Variants in NR3C2 observed in about 807,000 individuals in gnomAD.
NR3C2 encodes mineralocorticoid receptor.
A neutral mutation model predicts 86.4 loss-of-function variants in NR3C2; 15 were observed. The observed-to-expected ratio is 0.17, with a 90% CI of 0.12 to 0.27. The LOEUF (loss-of-function observed/expected upper bound fraction) is 0.27. NR3C2 is among the 10% of genes least tolerant of loss of function. NR3C2 has a pLI of 1.00. For synonymous variants in NR3C2, 458 were observed against 450.5 expected (o/e 1.02, Z -0.21); for missense variants, 960 against 1,195.6 (o/e 0.80, Z 2.91).
intron 7 of NR3C2, among the ~76,000 whole-genome samples, chr4:148,119,324 T>C (rs867321421): frequency 6.6e-6 from 1 of 152,338 alleles, no homozygotes; most frequent in South Asian, 2.1e-4. Context: ...CTGATGCTCA[T>C]GGCAATGCCA....
intron 8 of NR3C2, among the ~76,000 whole-genome samples, chr4:148,097,988 A>G (rs1731368842): frequency 6.6e-6 from 1 of 151,246 alleles, no homozygotes; most frequent in South Asian, 2.1e-4. Context: ...TTCCCCCTGT[A>G]CTCTTCGACC....
intron 3 of NR3C2, among the ~76,000 whole-genome samples, chr4:148,240,261 A>AAT (rs1169542838): frequency 6.8e-6 from 1 of 147,760 alleles, no homozygotes; most frequent in Non-Finnish European, 1.5e-5. Flanking sequence ...TTTATATATA[A>AAT]ATATATATAT....
chr4:148,161,231 TA>T (rs1734645639), intron 4 of NR3C2, among the ~76,000 whole-genome samples: 1 of 152,046 alleles, frequency 6.6e-6, no homozygotes, highest in Non-Finnish European at 1.5e-5. Flanking sequence ...TTAATCTACA[TA>T]ATTTAATAAG....
chr4:148,366,258 T>G (rs1396347817), intron 2 of NR3C2, among the ~76,000 whole-genome samples: 1 of 152,044 alleles, frequency 6.6e-6, no homozygotes, highest in East Asian at 1.9e-4. Flanking sequence ...AAGATATATT[T>G]GTTTCCATGC....
intron 2 of NR3C2, among the ~76,000 whole-genome samples, chr4:148,392,774 C>T (rs1163631176): frequency 1.3e-5 from 2 of 152,210 alleles, no homozygotes; most frequent in Non-Finnish European, 2.9e-5. Context: ...AAGCTGCTTT[C>T]TGAGACATGT....
intron 2 of NR3C2, among the ~76,000 whole-genome samples, chr4:148,426,690 C>T (rs968765556): frequency 3.9e-5 from 6 of 152,314 alleles, no homozygotes; most frequent in Admixed American, 3.3e-4. Flanking sequence ...TTAAACTGTA[C>T]TTGAGTCACT....
At chr4:148,243,511 T>C (rs1483589393) in intron 3 of NR3C2, among the ~76,000 whole-genome samples, 1 of 152,206 alleles carries the variant, frequency 6.6e-6, no homozygotes, top group African/African-American at 2.4e-5. Flanking sequence ...CGAGTTCCAT[T>C]TGAGACCAGA....
At chr4:148,346,022 A>G (rs1744972299) in intron 2 of NR3C2, among the ~76,000 whole-genome samples, 1 of 152,244 alleles carries the variant, frequency 6.6e-6, no homozygotes. Context: ...ACATAAGAGG[A>G]GAGGGCAGAA....
chr4:148,132,086 C>G (rs181389040), intron 6 of NR3C2, among the ~76,000 whole-genome samples: 2 of 152,114 alleles, frequency 1.3e-5, no homozygotes, highest in East Asian at 3.9e-4. Flanking sequence ...ATATAGTCAG[C>G]AGTTTCTTCA....
chr4:148,200,687 TC>T (rs1411591260), intron 3 of NR3C2, among the ~76,000 whole-genome samples: 1 of 152,210 alleles, frequency 6.6e-6, no homozygotes, highest in African/African-American at 2.4e-5. Context: ...AGTGCCTATT[TC>T]ATGAGTTATC....
At chr4:148,196,525 T>C (rs1253197970) in intron 3 of NR3C2, among the ~76,000 whole-genome samples, 1 of 152,220 alleles carries the variant, frequency 6.6e-6, no homozygotes, top group African/African-American at 2.4e-5. Flanking sequence ...CACTGTTTAC[T>C]GCAAAGTAGT....
intron 4 of NR3C2, 110 bp from the exon 5 acceptor site, chr4:148,155,011 G>A (rs1734295630): frequency 1.6e-5 from 14 of 857,632 alleles, no homozygotes; most frequent in South Asian, 1.0e-4. Context: ...TATGTCAATA[G>A]GAACATGACC....
intron 5 of NR3C2, 94 bp from the exon 6 acceptor site, chr4:148,152,707 T>C: frequency 1.6e-6 from 2 of 1,241,080 alleles, no homozygotes; most frequent in Middle Eastern, 1.9e-4. Context: ...CAGCCACCTT[T>C]CTTTCACTTT....
At chr4:148,308,440 T>TA (rs1158572707) in intron 2 of NR3C2, among the ~76,000 whole-genome samples, 1 of 151,932 alleles carries the variant, frequency 6.6e-6, no homozygotes, top group Non-Finnish European at 1.5e-5. Context: ...GTATTTACTC[T>TA]AAAAAAACTA....
intron 6 of NR3C2, among the ~76,000 whole-genome samples, chr4:148,141,417 A>ATCTC (rs150410024): frequency 4.8e-5 from 7 of 146,718 alleles, no homozygotes; most frequent in East Asian, 4.3e-4. Context: ...GTGAGACTCC[A>ATCTC]TCTCTCTCTC....
At chr4:148,301,250 TAAAG>T (rs1742323821) in intron 2 of NR3C2, among the ~76,000 whole-genome samples, 1 of 152,150 alleles carries the variant, frequency 6.6e-6, no homozygotes, top group Non-Finnish European at 1.5e-5. Context: ...TTAACTGACT[TAAAG>T]AAGGATAAGT....
At chr4:148,441,968 T>G (rs1466163992) in intron 1 of NR3C2, among the ~76,000 whole-genome samples, 192 bp downstream of exon 1, 1 of 152,210 alleles carries the variant, frequency 6.6e-6, no homozygotes, top group Non-Finnish European at 1.5e-5. Context: ...GTGGCCAAAC[T>G]TTCCCAAAAT....
At position 148,251,631 on chromosome 4, in the gene NR3C2, C is replaced by A. The variant is rs72655223; in HGVS notation, c.1897+8347G>T. Among the ~76,000 whole-genome samples the A allele has an allele frequency of 1.7e-3, 258 of 152,192 alleles. 4 individuals carry two copies. The highest frequency in any genetic ancestry group is 3.3e-3 in the Admixed American group (50 of 15,270). ...TAGGCTACATCTAATTTTTATCACA[C>A]ACAGGAAATGAAACACAGGAAGATA... is the stretch of plus-strand genomic sequence containing the variant. On this transcript the variant is annotated intron_variant, in intron 3 of 8. Coordinates refer to ENST00000358102, the MANE Select transcript of NR3C2 (RefSeq NM_000901.5).
chr4:148,327,046 T>C (rs1744004519), intron 2 of NR3C2, among the ~76,000 whole-genome samples: 1 of 152,194 alleles, frequency 6.6e-6, no homozygotes, highest in Admixed American at 6.5e-5. Flanking sequence ...TATTTTTGAT[T>C]ATTCAGTTCT....
Sources: gnomAD v4.1 joint callset for allele counts (sites outside exome capture counted in the v4.1 genomes callset) on GRCh38, gnomAD v4.1.1 for gene constraint, MANE v1.5 for transcripts, NCBI Gene and HGNC (gene_info 2026-07-23, HGNC 2026-07-21) for gene names.